HIPK3: variants seen among roughly 807,000 people sequenced by gnomAD.
HIPK3 encodes homeodomain interacting protein kinase 3.
A neutral mutation model predicts 124.2 loss-of-function variants in HIPK3; 47 were observed. That is an observed-to-expected ratio of 0.38 (90% CI 0.30 to 0.48). The LOEUF (loss-of-function observed/expected upper bound fraction) is 0.48. HIPK3 is among the 20% of genes least tolerant of loss of function. HIPK3 has a pLI of 0.98. For synonymous variants in HIPK3, 482 were observed against 515.2 expected (o/e 0.94, Z 0.87); for missense variants, 1,286 against 1,454.3 (o/e 0.88, Z 1.88).
chr11:33,326,201 T>C (rs1172613222), intron 2 of HIPK3, among the ~76,000 whole-genome samples: 1 of 152,138 alleles, frequency 6.6e-6, no homozygotes, highest in Non-Finnish European at 1.5e-5. Flanking sequence ...ACTTCTTGAG[T>C]GTAAGGCTTT....
At chr11:33,282,566 C>G (rs1175645815) in intron 1 of HIPK3, among the ~76,000 whole-genome samples, 2 of 152,114 alleles carry the variant, frequency 1.3e-5, no homozygotes, top group Non-Finnish European at 2.9e-5. Context: ...GCCTGTAATC[C>G]CAGCCACTCG....
intron 2 of HIPK3, among the ~76,000 whole-genome samples, chr11:33,320,437 C>A (rs902356559): frequency 1.3e-5 from 2 of 151,836 alleles, no homozygotes; most frequent in African/African-American, 4.8e-5. Flanking sequence ...AGGAAGCCAG[C>A]TGGGATTTTG....
intron 2 of HIPK3, among the ~76,000 whole-genome samples, chr11:33,317,536 G>A (rs1852541656): frequency 6.6e-6 from 1 of 152,046 alleles, no homozygotes. Context: ...CAAAGAGTTG[G>A]GATTACAGTC....
In HIPK3 at chr11:33,347,683, C is replaced by T. The variant is rs181305871; in HGVS notation, c.2074C>T (p.Pro692Ser). 1.6e-5 allele frequency: 26 copies of T among 1,614,142 alleles called. No individual in the cohort carries two copies. In the Admixed American group the frequency reaches 4.3e-4, roughly 27 times the overall value. Residue 692 changes from proline (P) to serine (S), a missense_variant, in exon 10 of 17, where the codon CCC (proline) becomes TCC (serine). By Grantham distance (74) the Pro-to-Ser change is moderately conservative. Around this residue, in one of 3 missense-constraint regions of HIPK3, gnomAD observed 810 missense variants for 864.9 expected, o/e 0.94. Coordinates refer to ENST00000303296, the MANE Select transcript of HIPK3 (RefSeq NM_005734.5). Reference sequence around the variant, plus strand: ...GGTGCCTGCCTGGCAACAGGTGACACCCCTGGCTCCTGCTACTACTACACT... The same window carrying T: ...GGTGCCTGCCTGGCAACAGGTGACATCCCTGGCTCCTGCTACTACTACACT... ...MLVPAWQQVT[P>S]LAPATTTLTS...
intron 2 of HIPK3, among the ~76,000 whole-genome samples, chr11:33,299,200 G>A (rs559624852): frequency 1.4e-3 from 219 of 151,748 alleles, no homozygotes; most frequent in African/African-American, 4.9e-3. Context: ...TGGGCCGGGC[G>A]CGGTGGCTCA....
At chr11:33,265,772 C>CAAA (rs55837408) in intron 1 of HIPK3, among the ~76,000 whole-genome samples, 12 of 64,780 alleles carry the variant, frequency 1.9e-4, no homozygotes, top group African/African-American at 4.5e-4. Flanking sequence ...GACCTTGTCT[C>CAAA]AAAAAAAAAA....
intron 3 of HIPK3, among the ~76,000 whole-genome samples, chr11:33,331,496 G>A (rs1736674978): frequency 1.3e-5 from 2 of 152,120 alleles, no homozygotes; most frequent in South Asian, 2.1e-4. Context: ...ACCTCAGGCT[G>A]TGCCCAGTAG....
intron 6 of HIPK3, 68 bp from the exon 7 acceptor site, chr11:33,340,900 C>T (rs1853312854): frequency 3.3e-6 from 3 of 919,600 alleles, no homozygotes; most frequent in Admixed American, 6.0e-5. Flanking sequence ...TTTATTTTGT[C>T]AATGTACCTC....
At chr11:33,312,183 T>C (rs1357711493) in intron 2 of HIPK3, among the ~76,000 whole-genome samples, 2 of 152,156 alleles carry the variant, frequency 1.3e-5, no homozygotes, top group South Asian at 2.1e-4. Context: ...TATGTGTATA[T>C]TTTTTCTAGC....
At chr11:33,258,137 C>T (rs1390634665) in intron 1 of HIPK3, among the ~76,000 whole-genome samples, 3 of 152,090 alleles carry the variant, frequency 2.0e-5, no homozygotes, top group Non-Finnish European at 4.4e-5. Context: ...CACGCCAGGC[C>T]CTGGGCCGCC....
At chr11:33,298,256 A>G (rs1283083630) in intron 2 of HIPK3, among the ~76,000 whole-genome samples, 4 of 152,192 alleles carry the variant, frequency 2.6e-5, no homozygotes, top group African/African-American at 9.6e-5. Flanking sequence ...GGATTAGAGC[A>G]TATCTATTTA....
At chr11:33,327,846 T>G (rs1165419119) in intron 2 of HIPK3, among the ~76,000 whole-genome samples, 2 of 152,186 alleles carry the variant, frequency 1.3e-5, no homozygotes, top group African/African-American at 4.8e-5. Context: ...GAAATCCATA[T>G]GAAGGTGCAA....
chr11:33,328,446 C>A, intron 2 of HIPK3, 64 bp from the exon 3 acceptor site: 2 of 1,495,528 alleles, frequency 1.3e-6, no homozygotes, highest in Non-Finnish European at 1.8e-6. Context: ...CCTAGAATGC[C>A]AGTTGAAATT....
chr11:33,339,467 C>T lies in HIPK3; in HGVS notation c.1546C>T (p.Pro516Ser). 2 of 1,612,882 alleles carry T rather than the reference C, an allele frequency of 1.2e-6. No homozygotes were observed. Among genetic ancestry groups the T allele is most frequent in the Non-Finnish European group, 1.7e-6 (2 of 1,179,076 alleles). The change falls in exon 6 of 17, where the codon CCA becomes TCA. Residue 516 changes from proline to serine, a missense_variant. By Grantham distance (74) the Pro-to-Ser change is moderately conservative. Coordinates refer to ENST00000303296, the MANE Select transcript of HIPK3 (RefSeq NM_005734.5). ...LLIDADLRIT[P>S]AETLNHPFVN... ...GATTGATGCAGATTTAAGAATTACT[C>T]CAGCTGAGACCCTGAACCATCCTTT...
At chr11:33,280,996 C>G (rs1267895492) in intron 1 of HIPK3, among the ~76,000 whole-genome samples, 1 of 151,248 alleles carries the variant, frequency 6.6e-6, no homozygotes, top group Non-Finnish European at 1.5e-5. Context: ...TGGACCTTAT[C>G]ACAGACCTAC....
intron 1 of HIPK3, among the ~76,000 whole-genome samples, chr11:33,263,409 G>C (rs930611505): frequency 6.6e-6 from 1 of 152,116 alleles, no homozygotes; most frequent in African/African-American, 2.4e-5. Flanking sequence ...TCCGCCTCCG[G>C]GGTTCAAGTG....
At position 33,347,865 on chromosome 11, in the gene HIPK3, T is replaced by C; in HGVS notation, c.2158T>C (p.Cys720Arg). 1 of 1,614,220 alleles carries C rather than the reference T, an allele frequency of 6.2e-7. No homozygotes were observed. The highest frequency in any genetic ancestry group is 1.7e-5 in the Admixed American group (1 of 60,024). Reference sequence around the variant, plus strand: ...ACTTCTCCCTAGGAAGATGATTTCATGCAGCAATCATTATAACTCAGTGAT... The same window carrying C: ...ACTTCTCCCTAGGAAGATGATTTCACGCAGCAATCATTATAACTCAGTGAT... ...RLGDWGKMIS[C>R]SNHYNSVMPQ... The change falls in exon 11 of 17, where the codon TGC becomes CGC. Residue 720 changes from cysteine to arginine, a missense_variant. Around this residue, in one of 3 missense-constraint regions of HIPK3, gnomAD observed 810 missense variants for 864.9 expected, o/e 0.94. Coordinates refer to ENST00000303296, the MANE Select transcript of HIPK3 (RefSeq NM_005734.5).
intron 1 of HIPK3, among the ~76,000 whole-genome samples, chr11:33,261,247 G>C (rs1196031126): frequency 6.7e-6 from 1 of 150,126 alleles, no homozygotes; most frequent in Non-Finnish European, 1.5e-5. Flanking sequence ...AGGGGAGCAT[G>C]TGCAGGTTTG....
chr11:33,286,093 T>C (rs1851543258), intron 1 of HIPK3, among the ~76,000 whole-genome samples: 1 of 152,152 alleles, frequency 6.6e-6, no homozygotes, highest in Non-Finnish European at 1.5e-5. Context: ...TTGGCACCGT[T>C]TCTAGGGCAT....
Sources: allele counts gnomAD v4.1 joint callset (sites outside exome capture counted in the v4.1 genomes callset), GRCh38; gene constraint gnomAD v4.1.1; regional missense constraint gnomAD v4.1.1; transcripts MANE v1.5; gene names NCBI Gene and HGNC (gene_info 2026-07-23, HGNC 2026-07-21).